The following FAM171A1 variants were observed in gnomAD, a reference collection of about 807,000 sequenced individuals.
FAM171A1 encodes family with sequence similarity 171 member A1.
In FAM171A1, 23 loss-of-function variants were observed where a neutral mutation model predicts 74.9. The observed-to-expected ratio is 0.31, with a 90% confidence interval of 0.22 to 0.44. FAM171A1 has a LOEUF of 0.44. Among genes scored for constraint, FAM171A1 ranks in the 20% least tolerant of loss-of-function variants. The pLI is 1.00. For missense variants in FAM171A1, 1,162 were observed against 1,159.2 expected (o/e 1.00, Z -0.03); for synonymous variants, 527 against 505.7 (o/e 1.04, Z -0.57).
chr10:15,253,474 A>G (rs1834535965), intron 4 of FAM171A1, among the ~76,000 whole-genome samples: 1 of 152,208 alleles, frequency 6.6e-6, no homozygotes, highest in Non-Finnish European at 1.5e-5. Flanking sequence ...TCACATCCTC[A>G]TCAGCACACA....
chr10:15,282,119 C>T (rs1564632014), intron 2 of FAM171A1, among the ~76,000 whole-genome samples: 1 of 152,186 alleles, frequency 6.6e-6, no homozygotes, highest in Non-Finnish European at 1.5e-5. Flanking sequence ...CTCGCTGTGT[C>T]ATCCCGGCTG....
At chr10:15,275,710 T>C (rs1007608215) in intron 3 of FAM171A1, 145 bp downstream of exon 3, 22 of 473,936 alleles carry the variant, frequency 4.6e-5, no homozygotes, top group Admixed American at 1.1e-4. Context: ...AGTGAGGTGA[T>C]AGACAAGTTA....
chr10:15,270,911 C>A (rs1016523128), intron 3 of FAM171A1, among the ~76,000 whole-genome samples: 1 of 152,158 alleles, frequency 6.6e-6, no homozygotes, highest in African/African-American at 2.4e-5. Context: ...GTAGATAAAA[C>A]CACAAAGATG....
At chr10:15,275,258 T>G (rs563473257) in intron 3 of FAM171A1, among the ~76,000 whole-genome samples, 1 of 152,114 alleles carries the variant, frequency 6.6e-6, no homozygotes, top group South Asian at 2.1e-4. Context: ...TGATGTATAA[T>G]TTAAAAAATA....
intron 1 of FAM171A1, among the ~76,000 whole-genome samples, chr10:15,323,421 C>G (rs556630266): frequency 3.3e-5 from 5 of 152,198 alleles, no homozygotes; most frequent in Non-Finnish European, 5.9e-5. Flanking sequence ...CCATTGCACT[C>G]CAGCCTGGGC....
At chr10:15,362,153 C>A (rs1457379226) in intron 1 of FAM171A1, among the ~76,000 whole-genome samples, 1 of 152,110 alleles carries the variant, frequency 6.6e-6, no homozygotes, top group Admixed American at 6.5e-5. Context: ...TCTTATCTAC[C>A]CATCCAGTTT....
chr10:15,237,065 T>C (rs964036250), intron 5 of FAM171A1, among the ~76,000 whole-genome samples: 1 of 152,016 alleles, frequency 6.6e-6, no homozygotes, highest in Non-Finnish European at 1.5e-5. Context: ...CCAGGCCAAA[T>C]AGCAGCAAAC....
At chr10:15,320,857 G>C (rs900508064) in intron 1 of FAM171A1, among the ~76,000 whole-genome samples, 1 of 152,206 alleles carries the variant, frequency 6.6e-6, no homozygotes, top group Non-Finnish European at 1.5e-5. Flanking sequence ...TTGTGTAGTA[G>C]AAAGACTGAA....
intron 2 of FAM171A1, among the ~76,000 whole-genome samples, chr10:15,283,077 C>G (rs72776170): frequency 0.071 from 10,789 of 152,312 alleles, 508 homozygotes; most frequent in Middle Eastern, 0.15. Flanking sequence ...ACACCCATTC[C>G]TCTCCTCCCA....
At chr10:15,216,202 C>T in intron 6 of FAM171A1, 92 bp from the exon 7 acceptor site, 1 of 783,462 alleles carries the variant, frequency 1.3e-6, no homozygotes. Context: ...TGTGCTTACT[C>T]TTCTTAGCTG....
At chr10:15,230,547 A>T (rs1239608387) in intron 5 of FAM171A1, among the ~76,000 whole-genome samples, 1 of 152,248 alleles carries the variant, frequency 6.6e-6, no homozygotes. Flanking sequence ...TGTGTTGAAT[A>T]TTAGAAATTA....
chr10:15,260,844 A>C (rs1035869072), intron 3 of FAM171A1, among the ~76,000 whole-genome samples: 1 of 152,132 alleles, frequency 6.6e-6, no homozygotes, highest in African/African-American at 2.4e-5. Context: ...AGCAGCCCCC[A>C]AAATTTCTCC....
intron 5 of FAM171A1, among the ~76,000 whole-genome samples, chr10:15,246,081 C>A (rs1834429825): frequency 1.3e-5 from 2 of 152,126 alleles, no homozygotes; most frequent in Admixed American, 1.3e-4. Context: ...CTTGATGCCC[C>A]CCAAATTATC....
In FAM171A1 at chr10:15,214,385, C is replaced by T; in HGVS notation, c.1203G>A (p.Met401Ile). Residue 401 changes from methionine (M) to isoleucine (I), a missense_variant, in exon 8 of 8, where the codon ATG becomes ATA. Met to Ile is a conservative substitution (Grantham distance 10, BLOSUM62 1). Coordinates refer to ENST00000378116, the MANE Select transcript of FAM171A1 (RefSeq NM_001010924.2). Reference protein sequence around the residue: ...KELMSGVHLEMMSPGGEGDLH... With the variant: ...KELMSGVHLEIMSPGGEGDLH... ...GGTCCCCTTCGCCGCCCGGAGACAT[C>T]ATTTCCAAATGGACTCCACTCATCA... 1.9e-6 allele frequency: 3 copies of T among 1,613,692 alleles called. No homozygotes were observed. The South Asian group carries it at 3.3e-5, about 18-fold the overall frequency.
intron 3 of FAM171A1, 115 bp from the exon 4 acceptor site, chr10:15,254,994 T>G: frequency 2.3e-6 from 2 of 856,042 alleles, no homozygotes; most frequent in South Asian, 3.5e-5. Context: ...CCCTGCTCCC[T>G]CTCACAAGGC....
intron 1 of FAM171A1, among the ~76,000 whole-genome samples, chr10:15,355,654 G>C (rs774527578): frequency 6.6e-6 from 1 of 152,098 alleles, no homozygotes; most frequent in Non-Finnish European, 1.5e-5. Context: ...AGTGGAGGTT[G>C]CAGTGAGCCA....
chr10:15,337,959 C>T (rs887758141), intron 1 of FAM171A1, among the ~76,000 whole-genome samples: 1 of 150,978 alleles, frequency 6.6e-6, no homozygotes, highest in Non-Finnish European at 1.5e-5. Context: ...TTAAAAAAAA[C>T]AAAAAAAACC....
intron 5 of FAM171A1, among the ~76,000 whole-genome samples, chr10:15,231,148 T>C (rs768758418): frequency 5.9e-5 from 9 of 152,216 alleles, no homozygotes; most frequent in Non-Finnish European, 1.0e-4. Context: ...CACAGAGATC[T>C]TGCTAAGTGC....
intron 5 of FAM171A1, among the ~76,000 whole-genome samples, chr10:15,229,290 G>A (rs1834152165): frequency 6.6e-6 from 1 of 152,158 alleles, no homozygotes; most frequent in Non-Finnish European, 1.5e-5. Context: ...CTAATCACTA[G>A]CTTTCTTGGG....
Sources: allele counts gnomAD v4.1 joint callset (sites outside exome capture counted in the v4.1 genomes callset), GRCh38; gene constraint gnomAD v4.1.1; transcripts MANE v1.5; gene names NCBI Gene and HGNC (gene_info 2026-07-23, HGNC 2026-07-21).